COLEC10: variants seen among roughly 807,000 people sequenced by gnomAD.
COLEC10 encodes the protein collectin subfamily member 10.
In COLEC10, 22 loss-of-function variants were observed where a neutral mutation model predicts 28.4. That is an observed-to-expected ratio of 0.78 (90% confidence interval 0.55 to 1.11). The LOEUF (loss-of-function observed/expected upper bound fraction) is 1.11, where lower values mean the gene tolerates loss of function less well. Ranked by LOEUF, COLEC10 falls within the 50% of genes least tolerant of loss-of-function variation. COLEC10 has a pLI of 0.00. For synonymous variants in COLEC10, 125 were observed against 116.1 expected (o/e 1.08, Z -0.49); for missense variants, 361 against 344.1 (o/e 1.05, Z -0.39).
chr8:119,077,243 A>ATTT (rs762180766), intron 1 of COLEC10, among the ~76,000 whole-genome samples: 11,245 of 89,430 alleles, frequency 0.13, 1,705 homozygotes, highest in East Asian at 0.16. Context: ...GTAGAGAATG[A>ATTT]TTTTTTTTTT....
intron 2 of COLEC10, among the ~76,000 whole-genome samples, chr8:119,035,781 A>G (rs897476764): frequency 1.3e-5 from 2 of 152,182 alleles, no homozygotes; most frequent in Non-Finnish European, 2.9e-5. Flanking sequence ...AGAAACAAGC[A>G]GCGGTTATGT....
At chr8:119,008,882 C>A (rs1222011697) in intron 1 of COLEC10, among the ~76,000 whole-genome samples, 1 of 151,122 alleles carries the variant, frequency 6.6e-6, no homozygotes, top group Admixed American at 6.6e-5. Flanking sequence ...TGAAGGAAAA[C>A]GTTATCTAGC....
At chr8:118,971,142 C>A in the COLEC10 span, among the ~76,000 whole-genome samples, 1 of 151,794 alleles carries the variant, frequency 6.6e-6, no homozygotes, top group Non-Finnish European at 1.5e-5. Flanking sequence ...GAGTGGGAAA[C>A]CATATTTTAA....
chr8:118,981,838 G>A, the COLEC10 span, among the ~76,000 whole-genome samples: 19 of 152,014 alleles, frequency 1.2e-4, no homozygotes, highest in South Asian at 4.2e-4. Flanking sequence ...ATTAAACCCC[G>A]TTTTCTCAGT....
At chr8:118,981,692 G>A in the COLEC10 span, among the ~76,000 whole-genome samples, 1 of 152,030 alleles carries the variant, frequency 6.6e-6, no homozygotes, top group East Asian at 1.9e-4. Flanking sequence ...CCAAAGATTA[G>A]TGTTTTGCTT....
chr8:119,035,478 T>C (rs542203651), intron 2 of COLEC10, among the ~76,000 whole-genome samples: 4 of 152,212 alleles, frequency 2.6e-5, no homozygotes, highest in East Asian at 3.8e-4. Context: ...GTGAAAAACC[T>C]TGGAAGGATG....
chr8:118,977,605 T>G, the COLEC10 span, among the ~76,000 whole-genome samples: 5 of 87,712 alleles, frequency 5.7e-5, no homozygotes, highest in Admixed American at 3.3e-4. Context: ...TGTTGTGGGG[T>G]GGGGGGAGGG....
At chr8:118,985,685 A>T in the COLEC10 span, among the ~76,000 whole-genome samples, 38 of 152,176 alleles carry the variant, frequency 2.5e-4, no homozygotes, top group African/African-American at 8.4e-4. Flanking sequence ...TCTAGAAATT[A>T]TTAGGAAATC....
At chr8:118,965,587 G>A in the COLEC10 span, among the ~76,000 whole-genome samples, 1 of 152,012 alleles carries the variant, frequency 6.6e-6, no homozygotes, top group African/African-American at 2.4e-5. Flanking sequence ...GTGTGTGCCT[G>A]GCAATTCCAG....
upstream of COLEC10, among the ~76,000 whole-genome samples, chr8:118,992,510 G>C (rs1191140780): frequency 1.3e-5 from 2 of 152,144 alleles, no homozygotes; most frequent in East Asian, 3.9e-4. Context: ...GCGATGGGCA[G>C]ACAGAAATCT....
intron 1 of COLEC10, among the ~76,000 whole-genome samples, chr8:119,070,478 CT>C (rs1815088918): frequency 5.3e-5 from 3 of 56,682 alleles, no homozygotes; most frequent in African/African-American, 4.6e-4. Context: ...TCTCTCTCTC[CT>C]TCCCCCTCCT....
At chr8:119,093,316 G>T (rs1351177662) in intron 3 of COLEC10, among the ~76,000 whole-genome samples, 1 of 152,182 alleles carries the variant, frequency 6.6e-6, no homozygotes, top group African/African-American at 2.4e-5. Flanking sequence ...ACTCATTTGA[G>T]AAATTCCCTT....
At chr8:119,105,471 C>T (rs866940827) in intron 5 of COLEC10, among the ~76,000 whole-genome samples, 4 of 152,050 alleles carry the variant, frequency 2.6e-5, no homozygotes, top group South Asian at 4.1e-4. Flanking sequence ...CATGTAGCCA[C>T]CAGTATAGCT....
In COLEC10 at chr8:119,107,006, C is replaced by T. The variant is rs966843256; in HGVS notation, c.*815C>T. ...CACAAACAATACTGGTTATAGTTCT[C>T]TTGCTAAATTGCCCACTGCTATTAA... On this transcript the variant is annotated 3_prime_UTR_variant, in exon 6 of 6. Transcript: ENST00000332843. 1.2e-4 allele frequency among the ~76,000 whole-genome samples: 19 copies of T among 152,268 alleles called. No individual in the cohort carries two copies. The highest frequency in any genetic ancestry group is 3.4e-3 in the Middle Eastern group (1 of 294).
At chr8:119,007,421 G>A (rs544845047) in intron 1 of COLEC10, among the ~76,000 whole-genome samples, 4 of 144,546 alleles carry the variant, frequency 2.8e-5, no homozygotes, top group East Asian at 1.9e-4. Context: ...GACGGATAGG[G>A]AAGGTTCTTC....
Position 119,091,225 on chromosome 8 carries a change from G to T in COLEC10, c.292+5G>T. The T allele has an allele frequency of 1.2e-6, 2 of 1,609,360 alleles. No individual in the cohort carries two copies. The highest frequency in any genetic ancestry group is 8.5e-7 in the Non-Finnish European group (1 of 1,176,332). On this transcript the variant is annotated splice_donor_5th_base_variant and intron_variant, in intron 3 of 5. Transcript: ENST00000332843. ...CTGGGCCCATTGGGAAGAAGGGTAA[G>T]TTGCATCTTACTATTCTCCAGTAGC...
chr8:118,955,887 C>T, the COLEC10 span, among the ~76,000 whole-genome samples: 1 of 152,188 alleles, frequency 6.6e-6, no homozygotes, highest in East Asian at 1.9e-4. Context: ...TCCAGTCTTT[C>T]TTCAAAGAAC....
At chr8:119,067,517 C>T (rs1814995428) in intron 1 of COLEC10, 88 bp downstream of exon 1, 1 of 1,200,556 alleles carries the variant, frequency 8.3e-7, no homozygotes, top group African/African-American at 1.5e-5. Context: ...CAATGACTTT[C>T]TCTTCTCTCC....
upstream of COLEC10, among the ~76,000 whole-genome samples, chr8:118,991,424 T>C (rs1813504976): frequency 6.6e-6 from 1 of 152,148 alleles, no homozygotes; most frequent in South Asian, 2.1e-4. Flanking sequence ...AAAATATCTA[T>C]TAAAATCTTT....
Sources: gnomAD v4.1 joint callset for allele counts (sites outside exome capture counted in the v4.1 genomes callset) on GRCh38, gnomAD v4.1.1 for gene constraint, MANE v1.5 for transcripts, NCBI Gene and HGNC (gene_info 2026-07-23, HGNC 2026-07-21) for gene names.